The following MCU variants were observed in gnomAD, a reference collection of about 807,000 sequenced individuals.
MCU encodes the protein mitochondrial calcium uniporter.
MCU carries 12 observed loss-of-function variants against 45.2 expected under a neutral mutation model. The observed-to-expected ratio is 0.27, with a 90% CI of 0.17 to 0.43. The LOEUF (loss-of-function observed/expected upper bound fraction) is 0.43, where lower values mean the gene tolerates loss of function less well. Among genes scored for constraint, MCU ranks in the 20% least tolerant of loss-of-function variants. The pLI, the probability that MCU is intolerant of heterozygous loss-of-function variation, is 1.00. For missense variants in MCU, 324 were observed against 436.7 expected (o/e 0.74, Z 2.30); for synonymous variants, 160 against 165.1 (o/e 0.97, Z 0.24).
intron 1 of MCU, among the ~76,000 whole-genome samples, chr10:72,801,356 T>C (rs551505520): frequency 1.3e-3 from 186 of 147,778 alleles, no homozygotes; most frequent in African/African-American, 3.6e-3. Context: ...ATGCTTTCTT[T>C]TTTTTTTTTT....
At chr10:72,786,659 T>G (rs1443837381) in intron 1 of MCU, among the ~76,000 whole-genome samples, 1 of 152,042 alleles carries the variant, frequency 6.6e-6, no homozygotes, top group Non-Finnish European at 1.5e-5. Context: ...GGCAGGAGAA[T>G]CGCTTGAACC....
chr10:72,710,727 T>G (rs1842882223), intron 1 of MCU, among the ~76,000 whole-genome samples: 1 of 152,032 alleles, frequency 6.6e-6, no homozygotes, highest in Non-Finnish European at 1.5e-5. Context: ...TTGAACATTA[T>G]GATTATAATT....
At chr10:72,794,290 A>G (rs1217947872) in intron 1 of MCU, among the ~76,000 whole-genome samples, 1 of 152,212 alleles carries the variant, frequency 6.6e-6, no homozygotes, top group Non-Finnish European at 1.5e-5. Context: ...GATCACCACT[A>G]CAGACCCTCC....
intron 1 of MCU, among the ~76,000 whole-genome samples, chr10:72,711,198 A>G (rs1360438086): frequency 6.7e-6 from 1 of 148,896 alleles, no homozygotes; most frequent in Admixed American, 6.7e-5. Context: ...AAAGTATTAC[A>G]CTGTATGTAT....
chr10:72,701,679 A>G (rs1212576048), intron 1 of MCU, among the ~76,000 whole-genome samples: 3 of 151,810 alleles, frequency 2.0e-5, no homozygotes, highest in African/African-American at 7.3e-5. Context: ...GGTACACACC[A>G]CCACGCCCGG....
At chr10:72,700,747 A>G (rs1295205124) in intron 1 of MCU, among the ~76,000 whole-genome samples, 1 of 152,250 alleles carries the variant, frequency 6.6e-6, no homozygotes, top group Non-Finnish European at 1.5e-5. Flanking sequence ...CATCTCAAAG[A>G]TATGAGCCTT....
intron 1 of MCU, among the ~76,000 whole-genome samples, chr10:72,705,481 A>G (rs1335349189): frequency 1.3e-5 from 2 of 151,994 alleles, no homozygotes; most frequent in African/African-American, 2.4e-5. Context: ...CAGGAGTTCG[A>G]GACCAGCCTG....
At chr10:72,758,904 A>C (rs899355822) in intron 1 of MCU, among the ~76,000 whole-genome samples, 2 of 152,204 alleles carry the variant, frequency 1.3e-5, no homozygotes, top group African/African-American at 4.8e-5. Context: ...AGACAATGAT[A>C]ATACACTTAG....
At chr10:72,713,618 G>A (rs1402788790) in intron 1 of MCU, among the ~76,000 whole-genome samples, 1 of 152,148 alleles carries the variant, frequency 6.6e-6, no homozygotes, top group Non-Finnish European at 1.5e-5. Flanking sequence ...GTATAGGTAT[G>A]GGGAGAGGAG....
At chr10:72,702,279 A>C (rs1174633182) in intron 1 of MCU, among the ~76,000 whole-genome samples, 1 of 152,046 alleles carries the variant, frequency 6.6e-6, no homozygotes, top group Non-Finnish European at 1.5e-5. Flanking sequence ...AAGAAGAAGA[A>C]AAAGAAAAAA....
chr10:72,821,238 T>TA (rs1844707761), intron 1 of MCU, among the ~76,000 whole-genome samples: 1 of 151,428 alleles, frequency 6.6e-6, no homozygotes, highest in Admixed American at 6.6e-5. Flanking sequence ...TTTTTTTTTT[T>TA]AACTAAAACT....
At chr10:72,850,566 C>A (rs1017441364) in intron 2 of MCU, among the ~76,000 whole-genome samples, 1 of 152,226 alleles carries the variant, frequency 6.6e-6, no homozygotes. Flanking sequence ...AAATAACAAG[C>A]ATTTGTATTT....
intron 1 of MCU, among the ~76,000 whole-genome samples, chr10:72,811,755 T>G (rs1193355599): frequency 2.0e-5 from 3 of 152,232 alleles, no homozygotes; most frequent in East Asian, 1.9e-4. Flanking sequence ...CAAAATAAAT[T>G]TCATGTTAAC....
At chr10:72,841,339 G>A (rs1200114282) in intron 2 of MCU, among the ~76,000 whole-genome samples, 1 of 151,650 alleles carries the variant, frequency 6.6e-6, no homozygotes, top group Non-Finnish European at 1.5e-5. Context: ...TTTTGCTCTT[G>A]TCACCAGGCT....
Position 72,861,981 on chromosome 10 carries a change from C to CT in MCU, c.496+1472dup, listed in dbSNP as rs1252900155. On this transcript the variant is annotated intron_variant, in intron 4 of 7. Transcript: ENST00000373053. ...TCTAAAATAGCGTTTTGAGTTGTGT[C>CT]TTTTTTTTTTTTTTTTTTGAGACTG... Among the ~76,000 whole-genome samples the CT allele has an allele frequency of 8.8e-3, 1,154 of 131,836 alleles. 24 individuals carry two copies. Among genetic ancestry groups the CT allele is most frequent in the South Asian group, 0.064 (258 of 4,006 alleles). The allele number at this position is 131,836 out of a possible 152,430, so 86.5% of individuals were successfully genotyped here. A position where few individuals can be genotyped will look rare whatever the true frequency, so the allele number is the denominator to read the frequency against.
intron 1 of MCU, among the ~76,000 whole-genome samples, chr10:72,771,967 C>A (rs1434695075): frequency 6.6e-6 from 1 of 152,194 alleles, no homozygotes; most frequent in Non-Finnish European, 1.5e-5. Context: ...CTCCTTCCAA[C>A]TCATGGCTTC....
chr10:72,692,973 C>G, intron 1 of MCU: 1 of 1,535,598 alleles, frequency 6.5e-7, no homozygotes, highest in Non-Finnish European at 8.7e-7. Flanking sequence ...CTTAAAGGTG[C>G]TTTTGGGGGT....
intron 1 of MCU, among the ~76,000 whole-genome samples, chr10:72,825,394 A>G (rs1040479505): frequency 1.3e-5 from 2 of 152,202 alleles, no homozygotes; most frequent in African/African-American, 4.8e-5. Context: ...TCCTGATCTG[A>G]CAGTGTCAGG....
At chr10:72,699,162 A>G (rs1374107061) in intron 1 of MCU, among the ~76,000 whole-genome samples, 1 of 152,160 alleles carries the variant, frequency 6.6e-6, no homozygotes, top group Non-Finnish European at 1.5e-5. Flanking sequence ...TTACTAGGAT[A>G]ACATGTTAGG....
Sources: gnomAD v4.1 joint callset for allele counts (sites outside exome capture counted in the v4.1 genomes callset) on GRCh38, gnomAD v4.1.1 for gene constraint, MANE v1.5 for transcripts, NCBI Gene and HGNC (gene_info 2026-07-23, HGNC 2026-07-21) for gene names.